The following RAPGEF4 variants were observed in gnomAD, a reference collection of about 807,000 sequenced individuals.
RAPGEF4 encodes Rap guanine nucleotide exchange factor 4.
In RAPGEF4, 66 loss-of-function variants were observed where a neutral mutation model predicts 147.9. The ratio of observed to expected loss-of-function variants is 0.45; its 90% CI spans 0.37 to 0.55. The LOEUF (loss-of-function observed/expected upper bound fraction) is 0.55. Among genes scored for constraint, RAPGEF4 ranks in the 20% least tolerant of loss-of-function variants. The probability of loss-of-function intolerance (pLI) is 0.00; values close to 1 mark genes in which losing one functional copy is unlikely to be tolerated. For synonymous variants in RAPGEF4, 419 were observed against 442.7 expected, an observed-to-expected ratio of 0.95 and a Z score of 0.67; for missense variants, 1,071 against 1,257.3, an observed-to-expected ratio of 0.85 and a Z score of 2.24.
intron 25 of RAPGEF4, among the ~76,000 whole-genome samples, chr2:173,029,437 C>G (rs729486): frequency 0.7 from 106,213 of 152,122 alleles, 40,369 homozygotes; most frequent in Non-Finnish European, 0.85. Context: ...AAACCAAGTA[C>G]CTGTGTTAAA....
At chr2:172,825,449 A>G (rs565325408) in intron 4 of RAPGEF4, among the ~76,000 whole-genome samples, 2 of 152,346 alleles carry the variant, frequency 1.3e-5, no homozygotes, top group Admixed American at 6.5e-5. Flanking sequence ...TGTGTGTCCA[A>G]TATAACAGGC....
chr2:172,891,307 A>C (rs746769418), intron 4 of RAPGEF4, among the ~76,000 whole-genome samples: 22 of 152,116 alleles, frequency 1.4e-4, no homozygotes, highest in Non-Finnish European at 2.5e-4. Flanking sequence ...GATCTTAACA[A>C]ACATTACTCT....
intron 1 of RAPGEF4, among the ~76,000 whole-genome samples, chr2:172,755,770 A>T (rs1695712371): frequency 6.7e-6 from 1 of 148,940 alleles, no homozygotes; most frequent in South Asian, 2.2e-4. Context: ...GTCCCATGTA[A>T]TCTTCACCGC....
chr2:173,004,152 T>C (rs1694217758), intron 17 of RAPGEF4, among the ~76,000 whole-genome samples: 2 of 152,198 alleles, frequency 1.3e-5, no homozygotes, highest in African/African-American at 4.8e-5. Flanking sequence ...TAATCCACAT[T>C]GTGTGTCTCT....
chr2:172,778,601 T>C (rs1684395363), intron 1 of RAPGEF4, among the ~76,000 whole-genome samples: 1 of 152,110 alleles, frequency 6.6e-6, no homozygotes, highest in Admixed American at 6.5e-5. Context: ...GGGCCTAGTT[T>C]AAGGGATTTC....
intron 1 of RAPGEF4, among the ~76,000 whole-genome samples, chr2:172,746,046 A>G (rs184898175): frequency 6.6e-6 from 1 of 152,328 alleles, no homozygotes. Flanking sequence ...TTCTTACTGA[A>G]AATCCACTAT....
At chr2:172,743,793 C>T (rs1298005088) in intron 1 of RAPGEF4, among the ~76,000 whole-genome samples, 6 of 152,062 alleles carry the variant, frequency 3.9e-5, no homozygotes, top group Admixed American at 3.9e-4. Context: ...ACCCGAGGCC[C>T]GGGCCTGTGG....
chr2:172,940,766 A>C (rs549943876), intron 6 of RAPGEF4, among the ~76,000 whole-genome samples: 2 of 152,174 alleles, frequency 1.3e-5, no homozygotes, highest in Non-Finnish European at 2.9e-5. Context: ...TACAGAATAG[A>C]TTCCTGGGAT....
intron 12 of RAPGEF4, among the ~76,000 whole-genome samples, chr2:172,987,964 C>T (rs1692444938): frequency 6.6e-6 from 1 of 152,218 alleles, no homozygotes; most frequent in South Asian, 2.1e-4. Flanking sequence ...TTGATATCTA[C>T]TAAAAACCTA....
intron 4 of RAPGEF4, among the ~76,000 whole-genome samples, chr2:172,830,722 G>A (rs1690204917): frequency 6.6e-6 from 1 of 152,092 alleles, no homozygotes; most frequent in South Asian, 2.1e-4. Flanking sequence ...TCCCACCTTA[G>A]CCTCCTGTGT....
At chr2:172,939,775 C>A (rs1686967081) in intron 6 of RAPGEF4, among the ~76,000 whole-genome samples, 1 of 152,082 alleles carries the variant, frequency 6.6e-6, no homozygotes, top group Non-Finnish European at 1.5e-5. Context: ...GGTTTATAAT[C>A]ATTTCTGAGG....
chr2:172,747,167 C>A (rs79036167), intron 1 of RAPGEF4, among the ~76,000 whole-genome samples: 1 of 152,176 alleles, frequency 6.6e-6, no homozygotes, highest in African/African-American at 2.4e-5. Context: ...AGCGTTAGAA[C>A]AGCCTTATTC....
chr2:173,010,044 G>C (rs1217766383), intron 17 of RAPGEF4, among the ~76,000 whole-genome samples: 2 of 152,206 alleles, frequency 1.3e-5, no homozygotes, highest in African/African-American at 2.4e-5. Context: ...CTGAGTTCTA[G>C]TTCCAAGAAT....
intron 4 of RAPGEF4, among the ~76,000 whole-genome samples, chr2:172,884,778 C>CA (rs1697000242): frequency 6.6e-6 from 1 of 151,708 alleles, no homozygotes; most frequent in African/African-American, 2.4e-5. Context: ...TATTTTTTTC[C>CA]AAAAAAATAC....
intron 15 of RAPGEF4, among the ~76,000 whole-genome samples, chr2:172,992,185 A>G (rs545015985): frequency 1.3e-5 from 2 of 152,350 alleles, no homozygotes; most frequent in South Asian, 4.1e-4. Context: ...AACTGACATC[A>G]AAAGGACTAT....
chr2:172,889,977 T>C (rs1697715472), intron 4 of RAPGEF4: 1 of 300,948 alleles, frequency 3.3e-6, no homozygotes, highest in Admixed American at 6.5e-5. Context: ...AGAAGAAAGA[T>C]GCATGCTTCA....
chr2:172,987,156 G>A (rs1692348070), intron 12 of RAPGEF4, among the ~76,000 whole-genome samples: 1 of 152,068 alleles, frequency 6.6e-6, no homozygotes, highest in Non-Finnish European at 1.5e-5. Context: ...GTAAAAATTA[G>A]CAAGGTGGAT....
chr2:172,961,947 A>G (rs1356171433), intron 8 of RAPGEF4, among the ~76,000 whole-genome samples: 1 of 152,218 alleles, frequency 6.6e-6, no homozygotes, highest in Admixed American at 6.5e-5. Flanking sequence ...TCTGTATCAC[A>G]TATATATTCA....
At chr2:173,007,176 A>G (rs1694565235) in intron 17 of RAPGEF4, among the ~76,000 whole-genome samples, 1 of 149,546 alleles carries the variant, frequency 6.7e-6, no homozygotes, top group Non-Finnish European at 1.5e-5. Context: ...TTTGAACCCA[A>G]GCAGTGTATT....
Sources: gnomAD v4.1 joint callset for allele counts (sites outside exome capture counted in the v4.1 genomes callset) on GRCh38, gnomAD v4.1.1 for gene constraint, MANE v1.5 for transcripts, NCBI Gene and HGNC (gene_info 2026-07-23, HGNC 2026-07-21) for gene names.